The following ULK4 variants were observed in gnomAD, a reference collection of about 807,000 sequenced individuals.
The protein encoded by ULK4 is unc-51 like kinase 4.
Under a neutral mutation model 160.6 loss-of-function variants are expected in ULK4, and 133 were observed. That is an observed-to-expected ratio of 0.83 (90% CI 0.72 to 0.96). The LOEUF (loss-of-function observed/expected upper bound fraction) is 0.96, where lower values mean the gene tolerates loss of function less well. Ranked by LOEUF, ULK4 falls within the 40% of genes least tolerant of loss-of-function variation. The pLI, the probability that ULK4 is intolerant of heterozygous loss-of-function variation, is 0.00. For synonymous variants in ULK4, 534 were observed against 539.8 expected (o/e 0.99, Z 0.15); for missense variants, 1,580 against 1,499.5 (o/e 1.05, Z -0.89).
At chr3:41,919,694 A>G (rs776348593) in intron 6 of ULK4, 23 bp downstream of exon 6, 30 of 1,590,040 alleles carry the variant, frequency 1.9e-5, no homozygotes, top group Non-Finnish European at 2.4e-5. Flanking sequence ...CTCTGATTTT[A>G]TACCTATTCA....
intron 34 of ULK4, among the ~76,000 whole-genome samples, chr3:41,437,695 T>G (rs901814888): frequency 1.3e-5 from 2 of 152,182 alleles, no homozygotes; most frequent in African/African-American, 4.8e-5. Flanking sequence ...AAAATAAGAA[T>G]GATCTGAATG....
intron 2 of ULK4, among the ~76,000 whole-genome samples, chr3:41,947,086 G>C (rs2148836590): frequency 6.6e-6 from 1 of 152,318 alleles, no homozygotes; most frequent in Middle Eastern, 3.4e-3. Context: ...CCAGCACTTT[G>C]GGAGGCCGAG....
At chr3:41,543,761 T>G (rs918693954) in intron 32 of ULK4, among the ~76,000 whole-genome samples, 9 of 152,192 alleles carry the variant, frequency 5.9e-5, no homozygotes, top group African/African-American at 2.2e-4. Context: ...GATGACTTAT[T>G]TTCAAATTAG....
chr3:41,370,064 C>T (rs998635713), intron 35 of ULK4, among the ~76,000 whole-genome samples: 1 of 151,972 alleles, frequency 6.6e-6, no homozygotes, highest in South Asian at 2.1e-4. Context: ...AACGTCACAA[C>T]GTTAAAGGGC....
chr3:41,895,442 C>T, intron 16 of ULK4, 76 bp downstream of exon 16: 1 of 845,144 alleles, frequency 1.2e-6, no homozygotes, highest in Non-Finnish European at 1.7e-6. Context: ...TAGGACTCTG[C>T]TTTTGATAAA....
At chr3:41,755,353 T>C (rs73828248) in intron 21 of ULK4, among the ~76,000 whole-genome samples, 12,422 of 152,170 alleles carry the variant, frequency 0.082, 1,563 homozygotes, top group African/African-American at 0.27. Flanking sequence ...AGAATTTACA[T>C]AGTCATGTAT....
chr3:41,819,698 A>T (rs184037772), intron 18 of ULK4, among the ~76,000 whole-genome samples, 192 bp from the exon 19 acceptor site: 6 of 152,326 alleles, frequency 3.9e-5, no homozygotes, highest in Admixed American at 6.5e-5. Context: ...CAAGATATTT[A>T]TTCTATTTCT....
chr3:41,522,219 T>C (rs1436612594), intron 32 of ULK4, among the ~76,000 whole-genome samples: 2 of 151,508 alleles, frequency 1.3e-5, no homozygotes, highest in African/African-American at 4.9e-5. Context: ...CCCTGCCTTC[T>C]GGGTTCAAGT....
rs575998216 is a variant in ULK4 at position 41,709,364 on chromosome 3, T to C, written c.2635-4059A>G. Among the ~76,000 whole-genome samples the C allele has an allele frequency of 2.8e-4, 42 of 152,166 alleles. 1 individual carries two copies. The South Asian group carries it at 3.9e-3, about 14-fold the overall frequency. On this transcript the variant is annotated intron_variant, in intron 25 of 36. Coordinates refer to ENST00000301831, the MANE Select transcript of ULK4 (RefSeq NM_017886.4). Reference sequence around the variant, plus strand: ...TTTTTTGGTCTACAAATAAACAAAATGGACTTTAAAATGGAGTTTGTTTGG... The same window carrying C: ...TTTTTTGGTCTACAAATAAACAAAACGGACTTTAAAATGGAGTTTGTTTGG...
At chr3:41,350,392 C>T (rs1048831495) in intron 35 of ULK4, among the ~76,000 whole-genome samples, 2 of 152,158 alleles carry the variant, frequency 1.3e-5, no homozygotes, top group Non-Finnish European at 2.9e-5. Flanking sequence ...ATTACCTTCA[C>T]ATAAACAGAA....
At chr3:41,574,601 G>T (rs1329010673) in intron 31 of ULK4, among the ~76,000 whole-genome samples, 1 of 137,638 alleles carries the variant, frequency 7.3e-6, no homozygotes, top group Non-Finnish European at 1.5e-5. Context: ...CAGTGCAGTG[G>T]CAAGATCTCA....
At chr3:41,542,743 A>G (rs1575387173) in intron 32 of ULK4, among the ~76,000 whole-genome samples, 1 of 152,052 alleles carries the variant, frequency 6.6e-6, no homozygotes, top group East Asian at 1.9e-4. Context: ...CCTGGTTTCG[A>G]CTTGGGAGGT....
At chr3:41,937,404 A>G in intron 3 of ULK4, 1 of 669,566 alleles carries the variant, frequency 1.5e-6, no homozygotes, top group Non-Finnish European at 2.7e-6. Flanking sequence ...TAAGTTTTAT[A>G]AATTCTAAGT....
chr3:41,351,048 G>A (rs1559538776), intron 35 of ULK4, among the ~76,000 whole-genome samples: 4 of 152,186 alleles, frequency 2.6e-5, no homozygotes, highest in Non-Finnish European at 5.9e-5. Context: ...ACTTCTCCCT[G>A]GCAGACTGCT....
At chr3:41,645,124 T>C (rs566433768) in intron 30 of ULK4, among the ~76,000 whole-genome samples, 89 of 152,304 alleles carry the variant, frequency 5.8e-4, no homozygotes, top group African/African-American at 2.0e-3. Context: ...ATCAATTTTG[T>C]TGATCTTTTC....
At chr3:41,370,550 C>A (rs1394794277) in intron 35 of ULK4, among the ~76,000 whole-genome samples, 1 of 152,130 alleles carries the variant, frequency 6.6e-6, no homozygotes, top group Non-Finnish European at 1.5e-5. Context: ...CCAGGAAGGG[C>A]AAGGGGTTGG....
intron 35 of ULK4, among the ~76,000 whole-genome samples, chr3:41,375,036 G>A (rs2081453740): frequency 6.6e-6 from 1 of 152,068 alleles, no homozygotes; most frequent in Non-Finnish European, 1.5e-5. Context: ...ATTCACAACT[G>A]CTACAAAGAG....
intron 35 of ULK4, among the ~76,000 whole-genome samples, chr3:41,307,462 G>A (rs2079969807): frequency 6.6e-6 from 1 of 152,164 alleles, no homozygotes; most frequent in Admixed American, 6.5e-5. Context: ...TATAACATTA[G>A]AGACTGGATA....
intron 2 of ULK4, among the ~76,000 whole-genome samples, chr3:41,951,726 T>C (rs1700301312): frequency 6.6e-6 from 1 of 152,200 alleles, no homozygotes; most frequent in African/African-American, 2.4e-5. Context: ...ATGTCCACTG[T>C]GGTGGTATTA....
Sources: gnomAD v4.1 joint callset for allele counts (sites outside exome capture counted in the v4.1 genomes callset) on GRCh38, gnomAD v4.1.1 for gene constraint, MANE v1.5 for transcripts, NCBI Gene and HGNC (gene_info 2026-07-23, HGNC 2026-07-21) for gene names.